The following CSF1R variants were observed in gnomAD, a reference collection of about 807,000 sequenced individuals.
The protein encoded by CSF1R is macrophage colony-stimulating factor 1 receptor.
Under a neutral mutation model 110.0 loss-of-function variants are expected in CSF1R, and 40 were observed. That is an observed-to-expected ratio of 0.36 (90% CI 0.28 to 0.47). The LOEUF is 0.47. Among genes scored for constraint, CSF1R ranks in the 20% least tolerant of loss-of-function variants. The pLI, the probability that CSF1R is intolerant of heterozygous loss-of-function variation, is 0.99. For synonymous variants in CSF1R, 523 were observed against 503.4 expected (o/e 1.04, Z -0.52); for missense variants, 1,052 against 1,253.0 (o/e 0.84, Z 2.42).
chr5:150,102,111 C>A (rs920683858), intron 1 of CSF1R, among the ~76,000 whole-genome samples: 1 of 152,204 alleles, frequency 6.6e-6, no homozygotes, highest in South Asian at 2.1e-4. Flanking sequence ...GCACATGAAT[C>A]GTTGTGTAAA....
rs1757511910 is a variant in CSF1R at position 150,061,352 on chromosome 5, C to T, written c.1858+139G>A. On this transcript the variant is annotated intron_variant, in intron 12 of 20. Transcript: ENST00000675795. The stretch of plus-strand genomic sequence containing the variant: ...GGGTGCCTGGAGCTCACAAGAAAAC[C>T]CAAGTCCTCACCCCTGAGCTCTGTC... 5 of 742,738 alleles carry T rather than the reference C, an allele frequency of 6.7e-6. No homozygotes were observed. The South Asian group carries it at 9.5e-5, about 14-fold the overall frequency. 46.0% of individuals were successfully genotyped at this position (742,738 alleles called of 1,614,324 possible).
intron 10 of CSF1R, among the ~76,000 whole-genome samples, chr5:150,062,983 G>A (rs1581294043): frequency 6.6e-6 from 1 of 152,104 alleles, no homozygotes; most frequent in African/African-American, 2.4e-5. Flanking sequence ...GAAACAGGAA[G>A]GCCTTGAGGG....
intron 1 of CSF1R, among the ~76,000 whole-genome samples, chr5:150,108,428 G>A (rs1304317779): frequency 1.3e-5 from 2 of 152,130 alleles, no homozygotes; most frequent in Non-Finnish European, 2.9e-5. Context: ...ATGTGGGAGA[G>A]GCAGTAGGAG....
intron 9 of CSF1R, among the ~76,000 whole-genome samples, chr5:150,069,412 G>A (rs1312546361): frequency 6.6e-6 from 1 of 152,186 alleles, no homozygotes; most frequent in Non-Finnish European, 1.5e-5. Flanking sequence ...ACTGTGTCTG[G>A]AGCAAGAGGG....
At chr5:150,073,931 C>T (rs1282565913) in intron 5 of CSF1R, among the ~76,000 whole-genome samples, 1 of 152,146 alleles carries the variant, frequency 6.6e-6, no homozygotes, top group South Asian at 2.1e-4. Context: ...AGGTGTGTAA[C>T]CCAGGCCAAC....
At chr5:150,092,045 T>G (rs957713416) in intron 1 of CSF1R, among the ~76,000 whole-genome samples, 1 of 152,140 alleles carries the variant, frequency 6.6e-6, no homozygotes, top group Non-Finnish European at 1.5e-5. Context: ...ATTGAAAAAT[T>G]TTTTTCCTGT....
intron 1 of CSF1R, among the ~76,000 whole-genome samples, chr5:150,100,487 CG>C (rs1421813811): frequency 6.6e-6 from 1 of 151,668 alleles, no homozygotes; most frequent in Non-Finnish European, 1.5e-5. Flanking sequence ...TTAGTGGAGA[CG>C]GGCTTTCACC....
chr5:150,087,754 G>A (rs570556003), upstream of CSF1R, among the ~76,000 whole-genome samples: 4 of 149,498 alleles, frequency 2.7e-5, no homozygotes, highest in African/African-American at 9.9e-5. Flanking sequence ...TTTTTTCTGA[G>A]ACAGGGTTTG....
chr5:150,057,184 A>ACC, intron 16 of CSF1R, 103 bp downstream of exon 16: 1 of 925,988 alleles, frequency 1.1e-6, no homozygotes, highest in Middle Eastern at 3.3e-4. Flanking sequence ...CTCCTCCCCT[A>ACC]CCCCCTCACA....
intron 1 of CSF1R, among the ~76,000 whole-genome samples, chr5:150,105,363 A>AAAAAATATAT (rs1759519734): frequency 1.1e-5 from 1 of 88,166 alleles, no homozygotes; most frequent in African/African-American, 4.7e-5. Flanking sequence ...AAAAAAAAAA[A>AAAAAATATAT]ATATATATAT....
Position 150,080,954 on chromosome 5 carries a change from C to T in CSF1R, c.120G>A (p.Leu40=), listed in dbSNP as rs1460425593. The part of the protein sequence containing the change: ...LVVKPGATVT[L]RCVGNGSVEW... ...CCACGCTGCCATTGCCCACACATCGCAAGGTCACCGTTGCTCCTGGCTTCA... is the reference window on the plus strand; with the variant it reads ...CCACGCTGCCATTGCCCACACATCGTAAGGTCACCGTTGCTCCTGGCTTCA... Residue 40 remains leucine, a synonymous_variant, in exon 2 of 21, where the codon TTG becomes TTA. Coordinates refer to ENST00000675795, the MANE Select transcript of CSF1R (RefSeq NM_001288705.3). 1 of 1,614,116 alleles carries T rather than the reference C, an allele frequency of 6.2e-7. No individual in the cohort carries two copies.
chr5:150,070,622 C>T (rs774835159), intron 6 of CSF1R, 51 bp from the exon 7 acceptor site: 7 of 1,302,192 alleles, frequency 5.4e-6, no homozygotes, highest in Non-Finnish European at 7.2e-6. Flanking sequence ...AGTATGGCCC[C>T]TGCCAGGATT....
At chr5:150,106,098 A>G (rs1383948931) in intron 1 of CSF1R, among the ~76,000 whole-genome samples, 1 of 152,192 alleles carries the variant, frequency 6.6e-6, no homozygotes, top group Non-Finnish European at 1.5e-5. Context: ...CTCCCCCAGC[A>G]GTGGGTGTGC....
chr5:150,109,307 C>A (rs79754785), intron 1 of CSF1R, among the ~76,000 whole-genome samples: 1 of 152,142 alleles, frequency 6.6e-6, no homozygotes, highest in East Asian at 1.9e-4. Context: ...CGTGAGGATC[C>A]GATGGGACCA....
chr5:150,089,734 A>G (rs528968711), upstream of CSF1R, among the ~76,000 whole-genome samples: 3 of 152,354 alleles, frequency 2.0e-5, no homozygotes, highest in African/African-American at 7.2e-5. Context: ...GACATTGAAT[A>G]TGCAAAACAA....
chr5:150,086,349 A>T, intron 1 of CSF1R, 30 bp downstream of exon 1: 1 of 1,585,208 alleles, frequency 6.3e-7, no homozygotes, highest in Non-Finnish European at 8.6e-7. Context: ...ACACCCCAAC[A>T]AAGTCCCCCA....
At chr5:150,107,379 T>A (rs1435159423) in intron 1 of CSF1R, among the ~76,000 whole-genome samples, 1 of 152,242 alleles carries the variant, frequency 6.6e-6, no homozygotes, top group Admixed American at 6.5e-5. Flanking sequence ...TATTAATAAT[T>A]GCATTAACAC....
At chr5:150,103,281 G>A (rs1759457538) in intron 1 of CSF1R, among the ~76,000 whole-genome samples, 3 of 152,198 alleles carry the variant, frequency 2.0e-5, no homozygotes, top group Admixed American at 2.0e-4. Context: ...ATCTGTTGTG[G>A]GAAGCAGTTA....
In CSF1R at chr5:150,062,481, G is replaced by C. The variant is rs918473633; in HGVS notation, c.1627-632C>G. 6.9e-5 allele frequency among the ~76,000 whole-genome samples: 10 copies of C among 144,524 alleles called. 1 individual carries two copies. The highest frequency in any genetic ancestry group is 2.5e-4 in the African/African-American group (10 of 39,300). 94.8% of individuals were successfully genotyped at this position (144,524 alleles called of 152,430 possible). A position where few individuals can be genotyped will look rare whatever the true frequency, so the allele number is the denominator to read the frequency against. On this transcript the variant is annotated intron_variant, in intron 10 of 20. Coordinates refer to ENST00000675795, the MANE Select transcript of CSF1R (RefSeq NM_001288705.3). Reference sequence around the variant, plus strand: ...TTCTGCTGTCTCTGTGAATTGCACTGCTCTAGGCACTGCACCTCAGTGGAC... The same window carrying C: ...TTCTGCTGTCTCTGTGAATTGCACTCCTCTAGGCACTGCACCTCAGTGGAC...
Sources: allele counts gnomAD v4.1 joint callset (sites outside exome capture counted in the v4.1 genomes callset), GRCh38; gene constraint gnomAD v4.1.1; transcripts MANE v1.5; gene names NCBI Gene and HGNC (gene_info 2026-07-23, HGNC 2026-07-21).